Variants in MAPT observed in about 807,000 individuals in gnomAD.
MAPT encodes microtubule associated protein tau, also known as microtubule-associated protein tau.
In MAPT, 34 loss-of-function variants were observed where a neutral mutation model predicts 67.9. That is an observed-to-expected ratio of 0.50 (90% CI 0.38 to 0.67). MAPT has a LOEUF of 0.67. Ranked by LOEUF, MAPT falls within the 30% of genes least tolerant of loss-of-function variation. The pLI, the probability that MAPT is intolerant of heterozygous loss-of-function variation, is 0.00. For synonymous variants in MAPT, 456 were observed against 464.5 expected (o/e 0.98, Z 0.23); for missense variants, 881 against 1,115.2 (o/e 0.79, Z 2.99).
At chr17:45,968,248 G>A (rs768119025) in intron 2 of MAPT, among the ~76,000 whole-genome samples, 1 of 152,088 alleles carries the variant, frequency 6.6e-6, no homozygotes, top group African/African-American at 2.4e-5. Context: ...TGACTTCCAT[G>A]TTCAAGATGT....
At chr17:45,960,407 G>C (rs534401145) in intron 1 of MAPT, among the ~76,000 whole-genome samples, 1 of 152,220 alleles carries the variant, frequency 6.6e-6, no homozygotes, top group Admixed American at 6.5e-5. Context: ...AGGAAGAGGG[G>C]TTCAAATTTA....
At chr17:46,014,806 G>A (rs540974836) in intron 11 of MAPT, among the ~76,000 whole-genome samples, 75 of 151,984 alleles carry the variant, frequency 4.9e-4, no homozygotes, top group Admixed American at 1.3e-3. Context: ...CCCGGAAGGC[G>A]GAGCTTGCAG....
intron 9 of MAPT, among the ~76,000 whole-genome samples, chr17:46,002,424 G>T (rs2075073865): frequency 6.6e-6 from 1 of 152,220 alleles, no homozygotes; most frequent in African/African-American, 2.4e-5. Context: ...GGCCCAGGCT[G>T]CAGGATCAGG....
chr17:45,898,080 T>C (rs1169337692), intron 1 of MAPT: 2 of 152,290 alleles, frequency 1.3e-5, no homozygotes, highest in African/African-American at 4.8e-5. Context: ...AACAGATAAG[T>C]GTATCCCCTG....
chr17:45,913,599 G>C (rs1158970666), intron 1 of MAPT, among the ~76,000 whole-genome samples: 2 of 152,166 alleles, frequency 1.3e-5, no homozygotes, highest in Non-Finnish European at 2.9e-5. Flanking sequence ...TGTTACCACA[G>C]GCCTGAAAGG....
At chr17:45,952,532 C>T (rs1475800959) in intron 1 of MAPT, among the ~76,000 whole-genome samples, 1 of 152,194 alleles carries the variant, frequency 6.6e-6, no homozygotes, top group South Asian at 2.1e-4. Flanking sequence ...CACCTGTGAT[C>T]CCAGCACTTT....
intron 1 of MAPT, among the ~76,000 whole-genome samples, chr17:45,907,095 G>C (rs1007403487): frequency 1.3e-5 from 2 of 152,038 alleles, no homozygotes; most frequent in Non-Finnish European, 2.9e-5. Flanking sequence ...CATGGGCATC[G>C]CCTGCTAAGC....
At chr17:45,984,351 G>A (rs2073327015) in intron 5 of MAPT, among the ~76,000 whole-genome samples, 1 of 152,226 alleles carries the variant, frequency 6.6e-6, no homozygotes, top group Non-Finnish European at 1.5e-5. Flanking sequence ...ATGAGGAAAC[G>A]GAGGCTCAGA....
At chr17:45,926,966 T>TACAC (rs1399219740) in intron 1 of MAPT, among the ~76,000 whole-genome samples, 2 of 150,650 alleles carry the variant, frequency 1.3e-5, no homozygotes, top group African/African-American at 4.9e-5. Flanking sequence ...TGTATATATA[T>TACAC]ACATATATGT....
At chr17:45,946,612 AAAAATATATAT>A (rs1396053251) in intron 1 of MAPT, among the ~76,000 whole-genome samples, 33 of 128,320 alleles carry the variant, frequency 2.6e-4, no homozygotes, top group Non-Finnish European at 1.6e-5. Context: ...AAAAAAAAAA[AAAAATATATAT>A]ATATATATAT....
intron 1 of MAPT, among the ~76,000 whole-genome samples, chr17:45,936,682 A>T (rs1208424955): frequency 6.6e-6 from 1 of 152,208 alleles, no homozygotes; most frequent in Non-Finnish European, 1.5e-5. Context: ...AGACTAATGG[A>T]CGGGTCTGAA....
intron 9 of MAPT, among the ~76,000 whole-genome samples, chr17:46,003,564 C>CCACCACG (rs1217281878): frequency 6.6e-6 from 1 of 152,222 alleles, no homozygotes; most frequent in Admixed American, 6.5e-5. Flanking sequence ...CAGGTGTGAG[C>CCACCACG]CACCACGCCT....
intron 9 of MAPT, among the ~76,000 whole-genome samples, chr17:46,008,190 G>A (rs140293856): frequency 0.01 from 1,590 of 152,272 alleles, 19 homozygotes; most frequent in African/African-American, 0.037. Flanking sequence ...TCCATCTCCC[G>A]GGTTCAAGCT....
intron 1 of MAPT, among the ~76,000 whole-genome samples, chr17:45,936,364 C>G (rs1021816026): frequency 6.6e-6 from 1 of 152,250 alleles, no homozygotes; most frequent in Non-Finnish European, 1.5e-5. Context: ...CTGGCCCACT[C>G]TCCTGCCCAC....
rs115505289 is a variant in MAPT at position 45,904,553 on chromosome 17, A to G, written c.-18+9867A>G. Among the ~76,000 whole-genome samples the G allele has an allele frequency of 3.3e-3, 499 of 150,116 alleles. 6 individuals carry two copies. Among genetic ancestry groups the G allele is most frequent in the African/African-American group, 0.012 (480 of 40,736 alleles). ...AGGAAACTGTAAAAATTAGCTGGGC[A>G]TGATGGCATGTGTCTGTAGCCCTAG... On this transcript the variant is annotated intron_variant, in intron 1 of 12. Transcript: ENST00000262410.
At chr17:45,933,039 A>G (rs62061713) in intron 1 of MAPT, among the ~76,000 whole-genome samples, 21,823 of 152,074 alleles carry the variant, frequency 0.14, 2,141 homozygotes, top group Middle Eastern at 0.22. Context: ...CCAAGATCGC[A>G]CCATTGCACT....
rs1017316503 is a variant in MAPT, at chr17:45,996,045, C to T, written c.1733-354C>T. ...CCATTTTCAAATTAAGGCCTCTGAG[C>T]TCAGAGAGGGGAAGTTACTTGTCTG... On this transcript the variant is annotated intron_variant, in intron 8 of 12. Transcript: ENST00000262410. The surrounding 1 kb of genome is among the most constrained non-coding windows in gnomAD (Gnocchi z 4.5). Among the ~76,000 whole-genome samples, 3 of 152,204 alleles carry T rather than the reference C, an allele frequency of 2.0e-5. No individual in the cohort carries two copies. Among genetic ancestry groups the T allele is most frequent in the Non-Finnish European group, 4.4e-5 (3 of 68,044 alleles).
Position 45,983,487 on chromosome 17 carries a change from C to T in MAPT, c.908C>T (p.Ser303Phe), listed in dbSNP as rs145640471. Residue 303 changes from serine (S) to phenylalanine (F), a missense_variant, in exon 5 of 13, where the codon TCC becomes TTC. Around this residue, in one of 6 missense-constraint regions of MAPT, gnomAD observed 687 missense variants for 766.1 expected, o/e 0.90. Coordinates refer to ENST00000262410, the MANE Select transcript of MAPT (RefSeq NM_001377265.1). The part of the protein sequence containing the change: ...VDEDRDVDES[S>F]PQDSPPSKAS... ...GAAGACCGCGACGTCGATGAGTCCT[C>T]CCCCCAAGACTCCCCTCCCTCCAAG... 6.2e-7 allele frequency: 1 copy of T among 1,610,988 alleles called. No homozygotes were observed. Among genetic ancestry groups the T allele is most frequent in the African/African-American group, 1.3e-5 (1 of 74,994 alleles).
At chr17:46,014,729 C>T (rs2076044996) in intron 11 of MAPT, among the ~76,000 whole-genome samples, 1 of 152,046 alleles carries the variant, frequency 6.6e-6, no homozygotes, top group Non-Finnish European at 1.5e-5. Flanking sequence ...AAAAAATTAG[C>T]CGGGCGTGGT....
Sources: gnomAD v4.1 joint callset for allele counts (sites outside exome capture counted in the v4.1 genomes callset) on GRCh38, gnomAD v4.1.1 for gene constraint, gnomAD v4.1.1 regional missense constraint, Gnocchi (gnomAD v3.1) non-coding constraint, MANE v1.5 for transcripts, NCBI Gene and HGNC (gene_info 2026-07-23, HGNC 2026-07-21) for gene names.